The following RABGAP1L variants were observed in gnomAD, a reference collection of about 807,000 sequenced individuals.
RABGAP1L encodes RAB GTPase activating protein 1 like, also known as rab GTPase-activating protein 1-like.
In RABGAP1L, 63 loss-of-function variants were observed where a neutral mutation model predicts 137.7. The observed-to-expected ratio is 0.46, with a 90% CI of 0.37 to 0.56. The LOEUF (loss-of-function observed/expected upper bound fraction) is 0.56. Among genes scored for constraint, RABGAP1L ranks in the 20% least tolerant of loss-of-function variants. RABGAP1L has a pLI of 0.00. For synonymous variants in RABGAP1L, 431 were observed against 433.7 expected, an observed-to-expected ratio of 0.99 and a Z score of 0.08; for missense variants, 1,095 against 1,244.0, an observed-to-expected ratio of 0.88 and a Z score of 1.80.
At chr1:174,478,388 A>G (rs1378694952) in intron 13 of RABGAP1L, among the ~76,000 whole-genome samples, 1 of 151,918 alleles carries the variant, frequency 6.6e-6, no homozygotes, top group Non-Finnish European at 1.5e-5. Flanking sequence ...TTCCTGCCTT[A>G]GTCTCCTTAG....
At chr1:174,183,066 A>G (rs947086832) in intron 1 of RABGAP1L, among the ~76,000 whole-genome samples, 17 of 152,194 alleles carry the variant, frequency 1.1e-4, no homozygotes, top group African/African-American at 4.1e-4. Context: ...TTCCCTTATT[A>G]TCTCTTTCCT....
intron 13 of RABGAP1L, among the ~76,000 whole-genome samples, chr1:174,623,827 T>A (rs114338164): frequency 0.021 from 3,249 of 152,234 alleles, 120 homozygotes; most frequent in African/African-American, 0.075. Context: ...ACCCCCCTCA[T>A]CAGGCATGAT....
chr1:174,399,802 C>A (rs989883587), intron 13 of RABGAP1L, among the ~76,000 whole-genome samples: 2 of 152,098 alleles, frequency 1.3e-5, no homozygotes, highest in Admixed American at 1.3e-4. Context: ...ACCATCAGAT[C>A]TCGTGGGAAC....
chr1:174,818,638 G>A (rs1361609083), intron 19 of RABGAP1L, among the ~76,000 whole-genome samples: 1 of 152,124 alleles, frequency 6.6e-6, no homozygotes, highest in Non-Finnish European at 1.5e-5. Context: ...CACTTTGGGA[G>A]GCGGAGGTAG....
intron 1 of RABGAP1L, among the ~76,000 whole-genome samples, chr1:174,188,163 T>A (rs1268939889): frequency 6.6e-6 from 1 of 152,172 alleles, no homozygotes; most frequent in Non-Finnish European, 1.5e-5. Flanking sequence ...GTTTCTTGAT[T>A]ATGGGTGAGG....
intron 13 of RABGAP1L, among the ~76,000 whole-genome samples, chr1:174,535,075 C>T (rs1467705621): frequency 1.3e-5 from 2 of 152,302 alleles, no homozygotes; most frequent in Non-Finnish European, 2.9e-5. Flanking sequence ...TTGAATGCCA[C>T]TGTTCAACTT....
chr1:174,426,372 A>G (rs1229768797), intron 13 of RABGAP1L, among the ~76,000 whole-genome samples: 2 of 152,108 alleles, frequency 1.3e-5, no homozygotes, highest in Non-Finnish European at 2.9e-5. Context: ...CATTTAAACT[A>G]TTAAGGCTAT....
intron 13 of RABGAP1L, among the ~76,000 whole-genome samples, chr1:174,633,644 C>T (rs1281330815): frequency 8.7e-6 from 1 of 115,232 alleles, no homozygotes; most frequent in East Asian, 2.0e-4. Context: ...TACTACAAGG[C>T]TACAGTAACC....
At chr1:174,740,773 G>A (rs1414928203) in intron 17 of RABGAP1L, among the ~76,000 whole-genome samples, 1 of 151,854 alleles carries the variant, frequency 6.6e-6, no homozygotes, top group South Asian at 2.1e-4. Flanking sequence ...TCTGGCTGAG[G>A]TATGCTATCT....
chr1:174,699,534 G>A lies in RABGAP1L; in HGVS notation c.1909G>A (p.Glu637Lys). The change falls in exon 16 of 26, where the codon GAA becomes AAA. Residue 637 changes from glutamate (E) to lysine (K), a missense_variant. Around this residue, in one of 4 missense-constraint regions of RABGAP1L, gnomAD observed 315 missense variants for 324.8 expected, o/e 0.97. Transcript: ENST00000681986. Reference protein sequence around the residue: ...AAVLLLHMPEEQAFCVLVKIM... With the variant: ...AAVLLLHMPEKQAFCVLVKIM... ...ATATATTTTTCTGTAGATGCCAGAGGAACAAGCATTCTGTGTTTTGGTGAA... is the reference window on the plus strand; with the variant it reads ...ATATATTTTTCTGTAGATGCCAGAGAAACAAGCATTCTGTGTTTTGGTGAA... 1 of 1,612,470 alleles carries A rather than the reference G, an allele frequency of 6.2e-7. No individual in the cohort carries two copies.
chr1:174,466,246 T>C (rs776061143), intron 13 of RABGAP1L, among the ~76,000 whole-genome samples: 1 of 152,362 alleles, frequency 6.6e-6, no homozygotes, highest in Non-Finnish European at 1.5e-5. Context: ...CTTTTTCTAA[T>C]GTTTTTAATA....
chr1:174,579,474 C>T (rs545170903), intron 13 of RABGAP1L, among the ~76,000 whole-genome samples: 3 of 152,246 alleles, frequency 2.0e-5, no homozygotes, highest in South Asian at 2.1e-4. Flanking sequence ...TGCACTTGTA[C>T]GTCCGCATCC....
intron 1 of RABGAP1L, among the ~76,000 whole-genome samples, chr1:174,183,445 A>G (rs1045487148): frequency 1.3e-5 from 2 of 152,086 alleles, no homozygotes; most frequent in African/African-American, 4.8e-5. Flanking sequence ...GCCTAAAGAT[A>G]TACTTTATTT....
chr1:174,261,286 GA>G (rs958812116), intron 7 of RABGAP1L, among the ~76,000 whole-genome samples: 28 of 152,030 alleles, frequency 1.8e-4, no homozygotes, highest in African/African-American at 6.8e-4. Context: ...GATTTGGGGG[GA>G]TACAATCATT....
chr1:174,188,147 A>G (rs1279823577), intron 1 of RABGAP1L, among the ~76,000 whole-genome samples: 2 of 152,160 alleles, frequency 1.3e-5, no homozygotes, highest in African/African-American at 2.4e-5. Context: ...AGGTCTATAG[A>G]GTGTGGTTTC....
At chr1:174,821,126 C>G (rs1253817483) in intron 19 of RABGAP1L, among the ~76,000 whole-genome samples, 1 of 152,112 alleles carries the variant, frequency 6.6e-6, no homozygotes, top group Admixed American at 6.6e-5. Context: ...TGATTTACTT[C>G]TCTTTGTCCT....
At chr1:174,257,127 C>G (rs986985159) in intron 7 of RABGAP1L, among the ~76,000 whole-genome samples, 1 of 152,108 alleles carries the variant, frequency 6.6e-6, no homozygotes, top group African/African-American at 2.4e-5. Context: ...AGTTGGAGCC[C>G]CTTCGAACCC....
At chr1:174,275,985 T>C in intron 9 of RABGAP1L, 50 bp downstream of exon 9, 5 of 1,448,756 alleles carry the variant, frequency 3.5e-6, no homozygotes, top group Non-Finnish European at 4.8e-6. Context: ...TTTTATATTA[T>C]GAACAATGTT....
At chr1:174,771,395 T>TA (rs1686100958) in intron 18 of RABGAP1L, among the ~76,000 whole-genome samples, 1 of 152,192 alleles carries the variant, frequency 6.6e-6, no homozygotes, top group Non-Finnish European at 1.5e-5. Flanking sequence ...AGTCCTTTAA[T>TA]GAGTAGATAA....
Sources: gnomAD v4.1 joint callset for allele counts (sites outside exome capture counted in the v4.1 genomes callset) on GRCh38, gnomAD v4.1.1 for gene constraint, gnomAD v4.1.1 regional missense constraint, MANE v1.5 for transcripts, NCBI Gene and HGNC (gene_info 2026-07-23, HGNC 2026-07-21) for gene names.